Variants in MAP2K5 observed in about 807,000 individuals in gnomAD.
The protein encoded by MAP2K5 is dual specificity mitogen-activated protein kinase kinase 5.
A neutral mutation model predicts 83.1 loss-of-function variants in MAP2K5; 49 were observed. The observed-to-expected ratio is 0.59, with a 90% CI of 0.47 to 0.75. The LOEUF (loss-of-function observed/expected upper bound fraction) is 0.75, where lower values mean the gene tolerates loss of function less well. MAP2K5 is among the 30% of genes least tolerant of loss of function. MAP2K5 has a pLI of 0.00. For missense variants in MAP2K5, 457 were observed against 557.5 expected (o/e 0.82, Z 1.82); for synonymous variants, 202 against 191.8 (o/e 1.05, Z -0.44).
intron 9 of MAP2K5, among the ~76,000 whole-genome samples, chr15:67,633,368 T>C (rs2086519518): frequency 6.6e-6 from 1 of 152,258 alleles, no homozygotes; most frequent in South Asian, 2.1e-4. Context: ...AACACTGTTA[T>C]AAATCGTCTA....
At chr15:67,796,640 TATCCA>T (rs1566967414) in intron 21 of MAP2K5, among the ~76,000 whole-genome samples, 9 of 152,236 alleles carry the variant, frequency 5.9e-5, no homozygotes, top group Non-Finnish European at 1.2e-4. Context: ...TGAGGTCAAA[TATCCA>T]AACTATTTAA....
chr15:67,806,741 GC>G lies in MAP2K5; in HGVS notation c.1343del (p.Pro448ArgfsTer8), dbSNP rs1300435423. ...ALEERRSQQGPP is the reference protein window; with the variant it reads ...ALEERRSQQGXP The stretch of plus-strand genomic sequence containing the variant: ...TGGAGGAGAGGCGGAGCCAGCAGGG[GC>G]CCCCGTGAGGCTGCCGCAGGGCACT... On this transcript the variant is annotated frameshift_variant, in exon 22 of 22. Transcript: ENST00000178640. LOFTEE classifies it high-confidence loss of function. 2.6e-6 allele frequency: 4 copies of G among 1,554,348 alleles called. No homozygotes were observed. Among genetic ancestry groups the G allele is most frequent in the Middle Eastern group, 1.7e-4 (1 of 5,998 alleles).
chr15:67,729,056 T>G (rs2089165142), intron 17 of MAP2K5, among the ~76,000 whole-genome samples: 1 of 152,244 alleles, frequency 6.6e-6, no homozygotes. Context: ...ATTCATAGAC[T>G]TTTTTGTTTA....
chr15:67,660,107 A>G (rs2087199315), intron 12 of MAP2K5, among the ~76,000 whole-genome samples: 1 of 152,078 alleles, frequency 6.6e-6, no homozygotes, highest in Admixed American at 6.6e-5. Flanking sequence ...CCCCCTAAAT[A>G]TGTGTCCAAT....
rs1028184818 is a variant in MAP2K5 at position 67,748,143 on chromosome 15, A to T, written c.1075-88A>T. On this transcript the variant is annotated intron_variant, in intron 17 of 21. Transcript: ENST00000178640. This position sits in a 1 kb window ranked among gnomAD's most constrained non-coding sequence, Gnocchi z 4.0. ...CACATGCCCACAAATTGCCACCAGCAATGCAATAATTTTCTCTCAGTGATC... is the reference window on the plus strand; with the variant it reads ...CACATGCCCACAAATTGCCACCAGCTATGCAATAATTTTCTCTCAGTGATC... 2.3e-6 allele frequency: 2 copies of T among 887,774 alleles called. No individual in the cohort carries two copies. The highest frequency in any genetic ancestry group is 3.7e-6 in the Non-Finnish European group (2 of 539,626). 55.0% of individuals were successfully genotyped at this position (887,774 alleles called of 1,614,324 possible).
At chr15:67,576,132 G>T (rs1384902084) in intron 3 of MAP2K5, among the ~76,000 whole-genome samples, 1 of 145,750 alleles carries the variant, frequency 6.9e-6, no homozygotes, top group Non-Finnish European at 1.5e-5. Context: ...GGCCAGGCTG[G>T]TCTTGAACTC....
rs1000997973 is a variant in MAP2K5 at position 67,543,936 on chromosome 15, G to A, written c.135+466G>A. Among the ~76,000 whole-genome samples the A allele has an allele frequency of 6.6e-6, 1 of 152,148 alleles. No homozygotes were observed. The highest frequency in any genetic ancestry group is 6.5e-5 in the Admixed American group (1 of 15,270). On this transcript the variant is annotated intron_variant, in intron 1 of 21. Transcript: ENST00000178640. This position sits in a 1 kb window ranked among gnomAD's most constrained non-coding sequence, Gnocchi z 4.3. ...GTTTCATTAATTTATTTTGAGACAG[G>A]GCCTCACTCTGTCGCTCAGGCTGCA...
chr15:67,729,489 G>A (rs1283802948), intron 17 of MAP2K5, among the ~76,000 whole-genome samples: 1 of 152,300 alleles, frequency 6.6e-6, no homozygotes, highest in Non-Finnish European at 1.5e-5. Context: ...ATTTTGCCAT[G>A]GCCAGGTGCA....
intron 17 of MAP2K5, among the ~76,000 whole-genome samples, chr15:67,729,321 G>A (rs928399565): frequency 1.4e-4 from 21 of 152,274 alleles, no homozygotes; most frequent in Admixed American, 1.3e-3. Flanking sequence ...GAACTCACAA[G>A]CCCTATGCAG....
At chr15:67,704,109 ATGAT>A (rs763206426) in intron 16 of MAP2K5, among the ~76,000 whole-genome samples, 4 of 152,176 alleles carry the variant, frequency 2.6e-5, no homozygotes, top group Non-Finnish European at 4.4e-5. Context: ...TAATAAAATG[ATGAT>A]TGATCTACAA....
At chr15:67,662,067 C>G (rs1161971718) in intron 12 of MAP2K5, among the ~76,000 whole-genome samples, 1 of 152,070 alleles carries the variant, frequency 6.6e-6, no homozygotes, top group Non-Finnish European at 1.5e-5. Flanking sequence ...AACTGTGGAA[C>G]AAGTCATTTG....
At chr15:67,647,195 A>G (rs1305123759) in intron 11 of MAP2K5, among the ~76,000 whole-genome samples, 1 of 152,230 alleles carries the variant, frequency 6.6e-6, no homozygotes, top group Non-Finnish European at 1.5e-5. Context: ...TCAGTACATT[A>G]CTAAAGCAAT....
rs772689801 is a variant in MAP2K5, at chr15:67,769,706, T to C, written c.1196+43T>C. 1.3e-6 allele frequency: 2 copies of C among 1,592,484 alleles called. No individual in the cohort carries two copies. Among genetic ancestry groups the C allele is most frequent in the African/African-American group, 1.3e-5 (1 of 74,456 alleles). ...CATGCCATGCCCTCAATGTAAATGA[T>C]ACATGCCATTAACTCGGCAGCTCCG... is the stretch of plus-strand genomic sequence containing the variant. On this transcript the variant is annotated intron_variant, in intron 20 of 21. Transcript: ENST00000178640. The surrounding 1 kb of genome is among the most constrained non-coding windows in gnomAD (Gnocchi z 5.2).
In MAP2K5 at chr15:67,779,495, A is replaced by G; in HGVS notation, c.1242+6743A>G. Among the ~76,000 whole-genome samples the G allele has an allele frequency of 6.6e-6, 1 of 152,234 alleles. No individual in the cohort carries two copies. On this transcript the variant is annotated intron_variant, in intron 21 of 21. Coordinates refer to ENST00000178640, the MANE Select transcript of MAP2K5 (RefSeq NM_145160.3). This position sits in a 1 kb window ranked among gnomAD's most constrained non-coding sequence, Gnocchi z 4.6. ...TAATCTTTTCACAAGACTTTAGCAGATAAATATGTGTGTGTATGTATATGT... is the reference window on the plus strand; with the variant it reads ...TAATCTTTTCACAAGACTTTAGCAGGTAAATATGTGTGTGTATGTATATGT...
chr15:67,590,720 C>CT (rs2085390303), intron 6 of MAP2K5, among the ~76,000 whole-genome samples: 1 of 152,100 alleles, frequency 6.6e-6, no homozygotes, highest in African/African-American at 2.4e-5. Flanking sequence ...TCCCAAAGTG[C>CT]TGGGATTACA....
At chr15:67,581,431 T>C (rs2085178130) in intron 4 of MAP2K5, among the ~76,000 whole-genome samples, 2 of 152,212 alleles carry the variant, frequency 1.3e-5, no homozygotes, top group Non-Finnish European at 2.9e-5. Context: ...TCAGATATGA[T>C]TGTTCAACCG....
chr15:67,778,643 G>A lies in MAP2K5; in HGVS notation c.1242+5891G>A, dbSNP rs2090276962. ...AGATGGAAAAGGATCTTACCTCTGT[G>A]AGAGCAGGGTGATCCTTTGCGGTTA... On this transcript the variant is annotated intron_variant, in intron 21 of 21. Transcript: ENST00000178640. This position sits in a 1 kb window ranked among gnomAD's most constrained non-coding sequence, Gnocchi z 5.0. 6.6e-6 allele frequency among the ~76,000 whole-genome samples: 1 copy of A among 152,192 alleles called. No individual in the cohort carries two copies. The highest frequency in any genetic ancestry group is 2.4e-5 in the African/African-American group (1 of 41,436).
In MAP2K5 at chr15:67,749,904, G is replaced by C. The variant is rs2089682625; in HGVS notation, c.1134+1303G>C. 1.3e-5 allele frequency among the ~76,000 whole-genome samples: 2 copies of C among 152,212 alleles called. No individual in the cohort carries two copies. The highest frequency in any genetic ancestry group is 1.3e-4 in the Admixed American group (2 of 15,276). Reference sequence around the variant, plus strand: ...GTGTCTGGGGAAACTTGCCTACCCAGTTTCGTGCACAGCCTTCTGTGTTTC... The same window carrying C: ...GTGTCTGGGGAAACTTGCCTACCCACTTTCGTGCACAGCCTTCTGTGTTTC... On this transcript the variant is annotated intron_variant, in intron 19 of 21. Transcript: ENST00000178640. The surrounding 1 kb of genome is among the most constrained non-coding windows in gnomAD (Gnocchi z 4.6).
intron 16 of MAP2K5, among the ~76,000 whole-genome samples, chr15:67,713,806 G>C (rs1316516385): frequency 2.0e-5 from 3 of 151,710 alleles, no homozygotes; most frequent in African/African-American, 7.3e-5. Flanking sequence ...GAAATTTGAT[G>C]GCGAGTTTGT....
Sources: gnomAD v4.1 joint callset for allele counts (sites outside exome capture counted in the v4.1 genomes callset) on GRCh38, gnomAD v4.1.1 for gene constraint, Gnocchi (gnomAD v3.1) non-coding constraint, MANE v1.5 for transcripts, NCBI Gene and HGNC (gene_info 2026-07-23, HGNC 2026-07-21) for gene names.